Variants in SNX29 observed in about 807,000 individuals in gnomAD.
SNX29 encodes the protein sorting nexin 29, also known as sorting nexin-29.
Under a neutral mutation model 102.1 loss-of-function variants are expected in SNX29, and 78 were observed. The observed-to-expected ratio is 0.76, with a 90% confidence interval of 0.64 to 0.92. The LOEUF is 0.92. SNX29 is among the 40% of genes least tolerant of loss of function. The pLI is 0.00. For synonymous variants in SNX29, 580 were observed against 414.5 expected (o/e 1.40, Z -4.85); for missense variants, 1,280 against 1,061.7 (o/e 1.21, Z -2.86).
chr16:12,478,703 A>G (rs1408409888), intron 19 of SNX29, among the ~76,000 whole-genome samples: 2 of 152,156 alleles, frequency 1.3e-5, no homozygotes, highest in Admixed American at 6.5e-5. Context: ...ATGTTTGTTT[A>G]GGAAGCAGTT....
chr16:12,352,763 G>C (rs2082022993), intron 15 of SNX29, among the ~76,000 whole-genome samples: 1 of 152,148 alleles, frequency 6.6e-6, no homozygotes, highest in Non-Finnish European at 1.5e-5. Context: ...GCTGGGCTGG[G>C]TTTGTGGCTG....
intron 20 of SNX29, among the ~76,000 whole-genome samples, chr16:12,562,110 C>T (rs1370801307): frequency 6.6e-6 from 1 of 152,020 alleles, no homozygotes; most frequent in African/African-American, 2.4e-5. Flanking sequence ...TAAGGCCGTT[C>T]ACTCTCCTGT....
chr16:12,548,097 G>A (rs1341573342), intron 20 of SNX29, among the ~76,000 whole-genome samples: 1 of 152,190 alleles, frequency 6.6e-6, no homozygotes, highest in African/African-American at 2.4e-5. Context: ...GTTGCTAAGG[G>A]ACATTGAGGT....
chr16:11,990,789 C>G (rs942557029), intron 1 of SNX29, among the ~76,000 whole-genome samples: 5 of 152,202 alleles, frequency 3.3e-5, no homozygotes, highest in Non-Finnish European at 7.3e-5. Flanking sequence ...GGTCTACAGC[C>G]TGCTGGGGAA....
At chr16:12,241,086 T>G (rs2078090361) in intron 14 of SNX29, among the ~76,000 whole-genome samples, 1 of 152,212 alleles carries the variant, frequency 6.6e-6, no homozygotes. Context: ...TTGAAAAAAT[T>G]AGCTATTTGT....
intron 20 of SNX29, among the ~76,000 whole-genome samples, chr16:12,567,847 T>C (rs1464288792): frequency 6.6e-6 from 1 of 152,142 alleles, no homozygotes; most frequent in Non-Finnish European, 1.5e-5. Context: ...CCTCCCAGCC[T>C]CTACCCTATC....
chr16:12,316,563 C>G (rs1018067627), intron 15 of SNX29, among the ~76,000 whole-genome samples: 1 of 152,060 alleles, frequency 6.6e-6, no homozygotes, highest in African/African-American at 2.4e-5. Context: ...AAAAAAAGTC[C>G]TCTTCTTACC....
chr16:12,100,593 G>C (rs371254316), intron 11 of SNX29, among the ~76,000 whole-genome samples: 1 of 152,114 alleles, frequency 6.6e-6, no homozygotes, highest in African/African-American at 2.4e-5. Context: ...CTTTTGAGTA[G>C]GGGCCTGAAT....
intron 18 of SNX29, among the ~76,000 whole-genome samples, chr16:12,444,260 AGTAAGCACTCAGTATAGCACCTAGCATG>A (rs1567569602): frequency 4.3e-4 from 9 of 20,900 alleles, no homozygotes; most frequent in African/African-American, 1.8e-3. Context: ...CCGAGCACGT[AGTAAGCACTCAGTATAGCACCTAGCATG>A]TAGTAAGCAC....
At position 12,549,583 on chromosome 16, in the gene SNX29, G is replaced by T. The variant is rs114576344; in HGVS notation, c.2319-18923G>T. ...TTCCACCCTGGGACCCCAGCCCTAAGACCTGCACCTTTTTCTACTCCAGAG... is the reference window on the plus strand; with the variant it reads ...TTCCACCCTGGGACCCCAGCCCTAATACCTGCACCTTTTTCTACTCCAGAG... On this transcript the variant is annotated intron_variant, in intron 20 of 20. Transcript: ENST00000566228. 5.1e-3 allele frequency among the ~76,000 whole-genome samples: 783 copies of T among 152,224 alleles called. 6 individuals are homozygous for T. The highest frequency in any genetic ancestry group is 0.018 in the African/African-American group (759 of 41,514).
At position 12,572,765 on chromosome 16, in the gene SNX29, G is replaced by A. The variant is rs193066148; in HGVS notation, c.*4136G>A. Reference sequence around the variant, plus strand: ...GCTGGGTTTTCAGCTTCTGGGACCCGAGGAAGACCCCACCTCACTCCTCCT... The same window carrying A: ...GCTGGGTTTTCAGCTTCTGGGACCCAAGGAAGACCCCACCTCACTCCTCCT... On this transcript the variant is annotated 3_prime_UTR_variant, in exon 21 of 21. Coordinates refer to ENST00000566228, the MANE Select transcript of SNX29 (RefSeq NM_032167.5). The A allele has an allele frequency of 1.7e-5, 18 of 1,063,910 alleles. No homozygotes were observed. The highest frequency in any genetic ancestry group is 4.6e-5 in the South Asian group (1 of 21,976). The allele number at this position is 1,063,910 out of a possible 1,614,324, so 65.9% of individuals were successfully genotyped here.
At chr16:12,450,616 C>T (rs1239688300) in intron 18 of SNX29, among the ~76,000 whole-genome samples, 3 of 152,134 alleles carry the variant, frequency 2.0e-5, no homozygotes, top group Admixed American at 6.5e-5. Context: ...GGAGGCTTCC[C>T]GGAGAGTGGT....
intron 18 of SNX29, among the ~76,000 whole-genome samples, chr16:12,448,453 T>G (rs1012993472): frequency 2.8e-5 from 4 of 143,274 alleles, no homozygotes; most frequent in Non-Finnish European, 6.0e-5. Context: ...ATTAAATTGT[T>G]CAAGGCAATT....
chr16:12,392,227 C>G (rs2083556239), intron 16 of SNX29, among the ~76,000 whole-genome samples: 1 of 152,182 alleles, frequency 6.6e-6, no homozygotes, highest in Admixed American at 6.5e-5. Flanking sequence ...CGCAGCCTGG[C>G]TATGAGTGTG....
intron 11 of SNX29, among the ~76,000 whole-genome samples, chr16:12,120,064 G>T (rs1292757421): frequency 6.6e-6 from 1 of 152,172 alleles, no homozygotes; most frequent in African/African-American, 2.4e-5. Flanking sequence ...GGTGGCAGGA[G>T]AGAGAAACAG....
intron 15 of SNX29, among the ~76,000 whole-genome samples, chr16:12,343,459 C>T (rs972258582): frequency 5.9e-5 from 9 of 152,182 alleles, no homozygotes; most frequent in Non-Finnish European, 1.3e-4. Flanking sequence ...CTGCTCGATA[C>T]GATGGAGCCC....
chr16:12,521,874 G>A (rs148740050), intron 19 of SNX29, among the ~76,000 whole-genome samples: 3 of 152,196 alleles, frequency 2.0e-5, no homozygotes, highest in Non-Finnish European at 4.4e-5. Flanking sequence ...TCTCTCATTC[G>A]CACATAGCCC....
chr16:12,508,031 G>C (rs1352377230), intron 19 of SNX29, among the ~76,000 whole-genome samples: 1 of 152,264 alleles, frequency 6.6e-6, no homozygotes, highest in Non-Finnish European at 1.5e-5. Context: ...TCTGACGCTA[G>C]TTAACGTGGC....
rs975669346 is a variant in SNX29, at chr16:11,976,762, C to T, written c.-45C>T. On this transcript the variant is annotated 5_prime_UTR_variant, in exon 1 of 21. Transcript: ENST00000566228. ...TGGAGCTCGGCAGCCGCAGAAGCGG[C>T]AGCGGCGGCGGCGCGGCGCAGGCAC... 2.3e-6 allele frequency: 3 copies of T among 1,290,326 alleles called. No individual in the cohort carries two copies. The highest frequency in any genetic ancestry group is 3.6e-5 in the Admixed American group (1 of 27,940). 79.9% of individuals were successfully genotyped at this position (1,290,326 alleles called of 1,614,324 possible).
Sources: allele counts gnomAD v4.1 joint callset (sites outside exome capture counted in the v4.1 genomes callset), GRCh38; gene constraint gnomAD v4.1.1; transcripts MANE v1.5; gene names NCBI Gene and HGNC (gene_info 2026-07-23, HGNC 2026-07-21).